IGF2BP2: variants seen among roughly 807,000 people sequenced by gnomAD.
IGF2BP2 encodes insulin like growth factor 2 mRNA binding protein 2.
In IGF2BP2, 17 loss-of-function variants were observed where a neutral mutation model predicts 75.8. That is an observed-to-expected ratio of 0.22 (90% CI 0.15 to 0.34). The LOEUF (loss-of-function observed/expected upper bound fraction) is 0.34, where lower values mean the gene tolerates loss of function less well. Ranked by LOEUF, IGF2BP2 falls within the 10% of genes least tolerant of loss-of-function variation. The pLI is 1.00. For synonymous variants in IGF2BP2, 288 were observed against 295.6 expected (o/e 0.97, Z 0.26); for missense variants, 516 against 772.4 (o/e 0.67, Z 3.93).
At chr3:185,815,125 T>C (rs1157208477) in intron 2 of IGF2BP2, among the ~76,000 whole-genome samples, 5 of 152,146 alleles carry the variant, frequency 3.3e-5, no homozygotes, top group African/African-American at 1.2e-4. Flanking sequence ...TTTTTTACAC[T>C]TAACTGTCAA....
chr3:185,683,695 C>A (rs1308161630), intron 7 of IGF2BP2, among the ~76,000 whole-genome samples: 1 of 152,188 alleles, frequency 6.6e-6, no homozygotes, highest in Non-Finnish European at 1.5e-5. Flanking sequence ...AGGCATGAGA[C>A]ACCATGCCCA....
chr3:185,755,156 A>C (rs935899698), intron 2 of IGF2BP2, among the ~76,000 whole-genome samples: 1 of 152,196 alleles, frequency 6.6e-6, no homozygotes, highest in Non-Finnish European at 1.5e-5. Context: ...CCTAAGGAGG[A>C]AAGAACGGTT....
chr3:185,793,818 G>A (rs1161568698), intron 2 of IGF2BP2, among the ~76,000 whole-genome samples: 1 of 152,134 alleles, frequency 6.6e-6, no homozygotes, highest in African/African-American at 2.4e-5. Flanking sequence ...GGAATTCCAA[G>A]ATTCCCAGTC....
intron 2 of IGF2BP2, among the ~76,000 whole-genome samples, chr3:185,757,842 T>C (rs1258151412): frequency 6.6e-6 from 1 of 152,186 alleles, no homozygotes; most frequent in Non-Finnish European, 1.5e-5. Context: ...GCTCAGTAAA[T>C]GATTGCTGAT....
At chr3:185,716,596 ACCT>A in intron 2 of IGF2BP2, 1 of 519,872 alleles carries the variant, frequency 1.9e-6, no homozygotes, top group Non-Finnish European at 3.8e-6. Context: ...TAAGGAATTT[ACCT>A]CCTACTTTTC....
At chr3:185,648,463 CAA>C (rs560603469) in intron 14 of IGF2BP2, among the ~76,000 whole-genome samples, 32 of 51,292 alleles carry the variant, frequency 6.2e-4, no homozygotes, top group East Asian at 6.0e-4. Context: ...AACTCTGTCT[CAA>C]AAAAAAAAAA....
chr3:185,724,069 T>C (rs922879296), intron 2 of IGF2BP2, among the ~76,000 whole-genome samples: 5 of 152,248 alleles, frequency 3.3e-5, no homozygotes, highest in African/African-American at 1.2e-4. Flanking sequence ...AGCAAACACA[T>C]GCTTGGGCCA....
intron 2 of IGF2BP2, among the ~76,000 whole-genome samples, chr3:185,749,663 G>T (rs998700350): frequency 1.3e-5 from 2 of 152,120 alleles, no homozygotes; most frequent in African/African-American, 4.8e-5. Flanking sequence ...TTCTTCCGCT[G>T]GGTAATTTTG....
intron 2 of IGF2BP2, among the ~76,000 whole-genome samples, chr3:185,762,390 G>A (rs1338918873): frequency 7.0e-5 from 10 of 143,472 alleles, no homozygotes; most frequent in South Asian, 2.2e-4. Context: ...AAAAAAAGCC[G>A]GGTGTGGTGG....
At chr3:185,716,951 T>G in intron 2 of IGF2BP2, 1 of 405,430 alleles carries the variant, frequency 2.5e-6, no homozygotes, top group Non-Finnish European at 4.8e-6. Context: ...CTTCTGTGAT[T>G]TTCTCATCCC....
chr3:185,733,937 T>G (rs1479507339), intron 2 of IGF2BP2, among the ~76,000 whole-genome samples: 2 of 152,172 alleles, frequency 1.3e-5, no homozygotes, highest in African/African-American at 4.8e-5. Flanking sequence ...AATAATTCAC[T>G]CACCTTGCAA....
intron 2 of IGF2BP2, chr3:185,722,076 C>T (rs1321809493): frequency 2.0e-5 from 7 of 345,570 alleles, no homozygotes; most frequent in African/African-American, 1.1e-4. Context: ...AAGTAGCATG[C>T]ACCAACCACA....
At chr3:185,760,246 C>T (rs1732175545) in intron 2 of IGF2BP2, among the ~76,000 whole-genome samples, 1 of 152,180 alleles carries the variant, frequency 6.6e-6, no homozygotes. Context: ...AACTCCCTCA[C>T]AGCAGTGCCT....
intron 2 of IGF2BP2, among the ~76,000 whole-genome samples, chr3:185,797,172 A>C (rs1277784756): frequency 6.6e-6 from 1 of 152,212 alleles, no homozygotes; most frequent in African/African-American, 2.4e-5. Flanking sequence ...AATTATTTCA[A>C]CTACTTATAA....
At chr3:185,743,432 C>T (rs1215886692) in intron 2 of IGF2BP2, among the ~76,000 whole-genome samples, 3 of 152,080 alleles carry the variant, frequency 2.0e-5, no homozygotes, top group Non-Finnish European at 2.9e-5. Context: ...CGTGTCACCA[C>T]GCCTGGCTAA....
At chr3:185,770,519 A>G (rs1162064334) in intron 2 of IGF2BP2, among the ~76,000 whole-genome samples, 1 of 152,190 alleles carries the variant, frequency 6.6e-6, no homozygotes, top group African/African-American at 2.4e-5. Flanking sequence ...AAGGCACCAG[A>G]TTTTAAAAAG....
intron 10 of IGF2BP2, among the ~76,000 whole-genome samples, chr3:185,670,172 C>T (rs1217099027): frequency 6.6e-6 from 1 of 151,984 alleles, no homozygotes; most frequent in African/African-American, 2.4e-5. Context: ...TTACAAATAA[C>T]AGGAAACACA....
At chr3:185,693,142 T>C (rs1278028394) in intron 4 of IGF2BP2, 1 of 165,878 alleles carries the variant, frequency 6.0e-6, no homozygotes, top group Non-Finnish European at 1.3e-5. Flanking sequence ...CTGTTCCCAC[T>C]ATTTGCTAGT....
chr3:185,677,068 T>TATATATAGAGAGAGAGAG, intron 7 of IGF2BP2, among the ~76,000 whole-genome samples: 22 of 35,852 alleles, frequency 6.1e-4, no homozygotes, highest in African/African-American at 2.2e-3. Flanking sequence ...TATATATATA[T>TATATATAGAGAGAGAGAG]AGAGAGAGAG....
Sources: allele counts gnomAD v4.1 joint callset (sites outside exome capture counted in the v4.1 genomes callset), GRCh38; gene constraint gnomAD v4.1.1; transcripts MANE v1.5; gene names NCBI Gene and HGNC (gene_info 2026-07-23, HGNC 2026-07-21).